ACOT8: variants seen among roughly 807,000 people sequenced by gnomAD.
ACOT8 encodes acyl-coenzyme A thioesterase 8.
Under a neutral mutation model 38.4 loss-of-function variants are expected in ACOT8, and 31 were observed. That is an observed-to-expected ratio of 0.81 (90% CI 0.61 to 1.09). The LOEUF is 1.09. ACOT8 is among the 50% of genes least tolerant of loss of function. ACOT8 has a pLI of 0.00. For missense variants in ACOT8, 373 were observed against 421.8 expected (o/e 0.88, Z 1.01); for synonymous variants, 158 against 170.3 (o/e 0.93, Z 0.56).
Position 45,853,818 on chromosome 20 carries a change from G to C in ACOT8, c.262+1341C>G, listed in dbSNP as rs1007590672. 45 of 856,438 alleles carry C rather than the reference G, an allele frequency of 5.3e-5. 1 individual carries two copies. The Admixed American group carries it at 1.1e-3, about 20-fold the overall frequency. 53.1% of individuals were successfully genotyped at this position (856,438 alleles called of 1,614,324 possible). A position where few individuals can be genotyped will look rare whatever the true frequency, so the allele number is the denominator to read the frequency against. On this transcript the variant is annotated intron_variant, in intron 2 of 5. Coordinates refer to ENST00000217455, the MANE Select transcript of ACOT8 (RefSeq NM_005469.4). ...TACTCCTCAGGGATGAGGAGTAAGAGACACGGGACAGTATGAAAAAGTGTA... is the reference window on the plus strand; with the variant it reads ...TACTCCTCAGGGATGAGGAGTAAGACACACGGGACAGTATGAAAAAGTGTA...
At chr20:45,850,904 C>T (rs893268289) in intron 2 of ACOT8, among the ~76,000 whole-genome samples, 2 of 151,952 alleles carry the variant, frequency 1.3e-5, no homozygotes, top group African/African-American at 4.8e-5. Flanking sequence ...AGGCACTGGC[C>T]AGGGATAAGG....
At chr20:45,852,162 C>T (rs1443679374) in intron 2 of ACOT8, among the ~76,000 whole-genome samples, 1 of 151,778 alleles carries the variant, frequency 6.6e-6, no homozygotes, top group South Asian at 2.1e-4. Flanking sequence ...GTCACCACGC[C>T]CAGCTAATTT....
intron 1 of ACOT8, among the ~76,000 whole-genome samples, chr20:45,856,380 G>T (rs1396195666): frequency 6.6e-6 from 1 of 152,144 alleles, no homozygotes; most frequent in Admixed American, 6.6e-5. Context: ...GGAGGTCAAA[G>T]CTGTTAGAAG....
Position 45,855,179 on chromosome 20 carries a change from T to C in ACOT8, c.242A>G (p.His81Arg). Reference protein sequence around the residue: ...VSEDVHVHSLHCYFVRAGDPK... With the variant: ...VSEDVHVHSLRCYFVRAGDPK... Reference sequence around the variant, plus strand: ...TTTACCTGCCCGAACAAAGTAGCAGTGCAGGGAGTGCACGTGGACGTCTTC... The same window carrying C: ...TTTACCTGCCCGAACAAAGTAGCAGCGCAGGGAGTGCACGTGGACGTCTTC... The change falls in exon 2 of 6, where the codon CAC becomes CGC. Residue 81 changes from histidine (H) to arginine (R), a missense_variant. Transcript: ENST00000217455. 6.2e-7 allele frequency: 1 copy of C among 1,614,146 alleles called. No homozygotes were observed. The highest frequency in any genetic ancestry group is 8.5e-7 in the Non-Finnish European group (1 of 1,180,030).
intron 2 of ACOT8, 56 bp downstream of exon 2, chr20:45,855,103 C>A: frequency 4.4e-6 from 7 of 1,602,128 alleles, no homozygotes; most frequent in Non-Finnish European, 6.0e-6. Flanking sequence ...CCCCCAAGGC[C>A]AGAAATGGCT....
chr20:45,857,111 A>C (rs1985504341), intron 1 of ACOT8, 77 bp downstream of exon 1: 2,259 of 1,291,396 alleles, frequency 1.7e-3, no homozygotes, highest in Non-Finnish European at 2.3e-3. Context: ...TCCCGGAGCC[A>C]GGGGCCCCGG....
chr20:45,848,653 C>A lies in ACOT8; in HGVS notation c.285G>T (p.Leu95=). 1 of 1,609,600 alleles carries A rather than the reference C, an allele frequency of 6.2e-7. No individual in the cohort carries two copies. The highest frequency in any genetic ancestry group is 8.5e-7 in the Non-Finnish European group (1 of 1,177,448). The stretch of plus-strand genomic sequence containing the variant: ...CTGTTCGTGTCCGCTCCACTTGGTA[C>A]AGTACTGGCAGCTTCGGGTCCCCTG... ...VRAGDPKLPV[L]YQVERTRTGS... The change falls in exon 3 of 6, where the codon CTG becomes CTT. Residue 95 remains leucine, a synonymous_variant. Coordinates refer to ENST00000217455, the MANE Select transcript of ACOT8 (RefSeq NM_005469.4).
Position 45,845,112 on chromosome 20 carries a change from G to A in ACOT8, c.489-692C>T, listed in dbSNP as rs543441795. On this transcript the variant is annotated intron_variant, in intron 3 of 5. Transcript: ENST00000217455. ...TTTTATTATTTCTTTATTTTGAGAC[G>A]GAGTCTAGCTCTGTCACCCAGGCTT... Among the ~76,000 whole-genome samples, 14 of 151,806 alleles carry A rather than the reference G, an allele frequency of 9.2e-5. No individual in the cohort carries two copies. The East Asian group carries it at 1.7e-3, about 19-fold the overall frequency.
At chr20:45,854,343 G>A (rs1368333552) in intron 2 of ACOT8, among the ~76,000 whole-genome samples, 1 of 143,722 alleles carries the variant, frequency 7.0e-6, no homozygotes, top group Non-Finnish European at 1.6e-5. Flanking sequence ...CCGAGTAGCT[G>A]GGACTACAGG....
intron 2 of ACOT8, 114 bp from the exon 3 acceptor site, chr20:45,848,789 A>G (rs1984873006): frequency 1.1e-6 from 1 of 918,698 alleles, no homozygotes; most frequent in African/African-American, 1.7e-5. Flanking sequence ...CTACTAACTG[A>G]GGTCTGCTAA....
At chr20:45,843,749 C>A (rs1003324229) in intron 4 of ACOT8, 28 bp from the exon 5 acceptor site, 2 of 1,601,228 alleles carry the variant, frequency 1.2e-6, no homozygotes, top group African/African-American at 2.7e-5. Flanking sequence ...CAGCCCTGGG[C>A]TCCTGGGCTT....
At chr20:45,847,613 C>G (rs1444942207) in intron 3 of ACOT8, 1 of 147,424 alleles carries the variant, frequency 6.8e-6, no homozygotes, top group African/African-American at 2.5e-5. Context: ...GCCTGTAATC[C>G]CAGCTACTTG....
rs752104246 is a variant in ACOT8, at chr20:45,841,862, G to A, written c.936C>T (p.Pro312=). The A allele has an allele frequency of 5.6e-6, 9 of 1,606,932 alleles. No homozygotes were observed. The highest frequency in any genetic ancestry group is 1.3e-5 in the African/African-American group (1 of 74,832). The change falls in exon 6 of 6, where the codon CCC becomes CCT. Residue 312 remains proline, a synonymous_variant. Transcript: ENST00000217455. ...GCTACAGCTTGCTCTCTGAGACCTG[G>A]GGCTTCACTCGGATCACGCCCTCCT... The part of the protein sequence containing the change: ...CAQEGVIRVK[P]QVSESKL
In ACOT8 at chr20:45,853,868, A is replaced by G. The variant is rs528947639; in HGVS notation, c.262+1291T>C. On this transcript the variant is annotated intron_variant, in intron 2 of 5. Coordinates refer to ENST00000217455, the MANE Select transcript of ACOT8 (RefSeq NM_005469.4). ...ATTTACCATTACAGGGATAACTTTC[A>G]TATTTACAAAATGAAGGGGGAAACC... The G allele has an allele frequency of 3.1e-4, 377 of 1,228,200 alleles. 3 individuals are homozygous for G. The African/African-American group carries it at 5.5e-3, about 18-fold the overall frequency. The allele number at this position is 1,228,200 out of a possible 1,614,324, so 76.1% of individuals were successfully genotyped here.
chr20:45,851,820 G>A (rs1985081998), intron 2 of ACOT8, among the ~76,000 whole-genome samples: 1 of 152,102 alleles, frequency 6.6e-6, no homozygotes. Context: ...AATTCTTCAA[G>A]CTCTAAATTT....
At chr20:45,849,207 C>G (rs1984898381) in intron 2 of ACOT8, 1 of 152,402 alleles carries the variant, frequency 6.6e-6, no homozygotes, top group South Asian at 2.1e-4. Context: ...GTAAATCTAG[C>G]CTGCAGCCTG....
chr20:45,842,165 T>C, intron 5 of ACOT8: 2 of 1,519,552 alleles, frequency 1.3e-6, no homozygotes, highest in Non-Finnish European at 1.8e-6. Flanking sequence ...TTGCAAAGGG[T>C]CTGGCCCAGG....
chr20:45,848,713 C>G (rs1161074485), intron 2 of ACOT8, 38 bp from the exon 3 acceptor site: 1 of 1,530,056 alleles, frequency 6.5e-7, no homozygotes, highest in Non-Finnish European at 8.9e-7. Flanking sequence ...TCCACAGGCC[C>G]TGTCATCATC....
intron 2 of ACOT8, among the ~76,000 whole-genome samples, 175 bp downstream of exon 2, chr20:45,854,984 C>T (rs1985313364): frequency 6.6e-6 from 1 of 152,204 alleles, no homozygotes. Flanking sequence ...AGGTCCAAGG[C>T]TCATTGTTAG....
Sources: allele counts gnomAD v4.1 joint callset (sites outside exome capture counted in the v4.1 genomes callset), GRCh38; gene constraint gnomAD v4.1.1; transcripts MANE v1.5; gene names NCBI Gene and HGNC (gene_info 2026-07-23, HGNC 2026-07-21).